Variants in DTNA observed in about 807,000 individuals in gnomAD.
The protein encoded by DTNA is dystrophin-related protein 3.
In DTNA, 43 loss-of-function variants were observed where a neutral mutation model predicts 100.7. The ratio of observed to expected loss-of-function variants is 0.43; its 90% CI spans 0.33 to 0.55. The LOEUF (loss-of-function observed/expected upper bound fraction) is 0.55. Among genes scored for constraint, DTNA ranks in the 20% least tolerant of loss-of-function variants. The pLI, the probability that DTNA is intolerant of heterozygous loss-of-function variation, is 0.04. For synonymous variants in DTNA, 349 were observed against 347.9 expected, an observed-to-expected ratio of 1.00 and a Z score of -0.04; for missense variants, 798 against 953.9, an observed-to-expected ratio of 0.84 and a Z score of 2.15.
intron 1 of DTNA, among the ~76,000 whole-genome samples, chr18:34,604,626 A>G (rs566467506): frequency 4.7e-4 from 72 of 152,302 alleles, no homozygotes; most frequent in Middle Eastern, 3.4e-3. Flanking sequence ...AGCACCTAGA[A>G]CATTTGGAAT....
intron 2 of DTNA, among the ~76,000 whole-genome samples, chr18:34,763,047 T>G (rs1354391934): frequency 6.6e-6 from 1 of 152,202 alleles, no homozygotes; most frequent in African/African-American, 2.4e-5. Context: ...TTGCAGAAAC[T>G]GAGAAACTTA....
intron 3 of DTNA, among the ~76,000 whole-genome samples, chr18:34,784,400 T>C (rs113230524): frequency 6.6e-6 from 1 of 152,214 alleles, no homozygotes; most frequent in East Asian, 1.9e-4. Flanking sequence ...AAAATCTAAA[T>C]GCACCATCAT....
intron 11 of DTNA, among the ~76,000 whole-genome samples, chr18:34,834,418 G>T (rs567554029): frequency 6.6e-6 from 1 of 151,850 alleles, no homozygotes; most frequent in African/African-American, 2.4e-5. Flanking sequence ...CAGAAGAATC[G>T]CTTGAACCCA....
At chr18:34,568,771 G>C (rs984869705) in intron 1 of DTNA, among the ~76,000 whole-genome samples, 2 of 151,946 alleles carry the variant, frequency 1.3e-5, no homozygotes, top group Non-Finnish European at 2.9e-5. Flanking sequence ...GTACAGGCAC[G>C]TACCACCATG....
At chr18:34,676,205 T>C (rs2145289947) in intron 1 of DTNA, among the ~76,000 whole-genome samples, 1 of 152,284 alleles carries the variant, frequency 6.6e-6, no homozygotes, top group South Asian at 2.1e-4. Flanking sequence ...GGTATGAAGG[T>C]CACTACCTTT....
intron 17 of DTNA, chr18:34,866,676 G>A: frequency 6.0e-6 from 6 of 998,584 alleles, no homozygotes; most frequent in Non-Finnish European, 7.2e-6. Flanking sequence ...TGTTCCCCAT[G>A]GCTCACCAAA....
chr18:34,759,247 G>A (rs1349319304), intron 2 of DTNA, among the ~76,000 whole-genome samples: 1 of 152,160 alleles, frequency 6.6e-6, no homozygotes, highest in Non-Finnish European at 1.5e-5. Flanking sequence ...AAGTTTAGCA[G>A]CTTAAATAAG....
At chr18:34,515,117 C>A (rs1472449639) in intron 1 of DTNA, among the ~76,000 whole-genome samples, 1 of 152,048 alleles carries the variant, frequency 6.6e-6, no homozygotes, top group Non-Finnish European at 1.5e-5. Flanking sequence ...AAACAGCTGG[C>A]TCAACTCATT....
chr18:34,863,849 C>G, intron 16 of DTNA, 117 bp from the exon 17 acceptor site: 1 of 961,322 alleles, frequency 1.0e-6, no homozygotes, highest in Non-Finnish European at 1.6e-6. Flanking sequence ...GCCTGGTAAC[C>G]TTGTCAGAGA....
chr18:34,826,175 GTT>G (rs1286966068), intron 9 of DTNA, among the ~76,000 whole-genome samples: 1 of 152,154 alleles, frequency 6.6e-6, no homozygotes, highest in Non-Finnish European at 1.5e-5. Flanking sequence ...TCAGAGTATA[GTT>G]TAGCACCAGC....
rs557026859 is a variant in DTNA, at chr18:34,725,400, G to GA, written c.-2+14967dup. ...ACAAAGAACTTAAACAAATTTACAAGAAAAAAAAAAAACAACCCCATCAAA... is the reference window on the plus strand; with the variant it reads ...ACAAAGAACTTAAACAAATTTACAAGAAAAAAAAAAAAACAACCCCATCAAA... On this transcript the variant is annotated intron_variant, in intron 1 of 22. Transcript: ENST00000444659. Among the ~76,000 whole-genome samples, 153 of 131,904 alleles carry GA rather than the reference G, an allele frequency of 1.2e-3. No individual in the cohort carries two copies. The Middle Eastern group carries it at 0.012, about 11-fold the overall frequency. 86.5% of individuals were successfully genotyped at this position (131,904 alleles called of 152,430 possible). A position where few individuals can be genotyped will look rare whatever the true frequency, so the allele number is the denominator to read the frequency against.
intron 1 of DTNA, among the ~76,000 whole-genome samples, chr18:34,561,822 A>C (rs1368843911): frequency 6.6e-6 from 1 of 152,196 alleles, no homozygotes; most frequent in Non-Finnish European, 1.5e-5. Context: ...ATTTATTGAC[A>C]GTTTTATTGA....
chr18:34,786,839 G>C (rs1283730737), intron 3 of DTNA, among the ~76,000 whole-genome samples: 1 of 152,090 alleles, frequency 6.6e-6, no homozygotes, highest in African/African-American at 2.4e-5. Context: ...ACAAATCACT[G>C]TTAAACTGCA....
At chr18:34,557,858 A>C (rs1277805027) in intron 1 of DTNA, 1 of 152,280 alleles carries the variant, frequency 6.6e-6, no homozygotes, top group Admixed American at 6.5e-5. Context: ...TGGAGCCTAC[A>C]GAGGCAGGCA....
chr18:34,509,904 T>C (rs963874514), intron 1 of DTNA, among the ~76,000 whole-genome samples: 4 of 152,090 alleles, frequency 2.6e-5, no homozygotes, highest in Non-Finnish European at 2.9e-5. Context: ...TGAATCCTTG[T>C]ATAGACAAGG....
intron 13 of DTNA, among the ~76,000 whole-genome samples, chr18:34,840,260 A>G (rs1022926753): frequency 7.2e-5 from 11 of 152,176 alleles, no homozygotes; most frequent in African/African-American, 2.4e-4. Context: ...GTGAGCTTCT[A>G]GATTAAATAG....
chr18:34,639,897 C>G (rs986229214), intron 1 of DTNA, among the ~76,000 whole-genome samples: 29 of 152,200 alleles, frequency 1.9e-4, no homozygotes, highest in Admixed American at 1.9e-3. Context: ...GAAGTTGCAA[C>G]ATCACCTTCT....
At chr18:34,626,319 A>G (rs1031881305) in intron 1 of DTNA, among the ~76,000 whole-genome samples, 1 of 152,174 alleles carries the variant, frequency 6.6e-6, no homozygotes, top group African/African-American at 2.4e-5. Flanking sequence ...AAAAACAGAG[A>G]TAATGGATTA....
At chr18:34,868,975 A>G (rs1200461753) in intron 17 of DTNA, among the ~76,000 whole-genome samples, 1 of 152,204 alleles carries the variant, frequency 6.6e-6, no homozygotes, top group Non-Finnish European at 1.5e-5. Flanking sequence ...TCCAAATATT[A>G]TGTACCAGTC....
Sources: allele counts gnomAD v4.1 joint callset (sites outside exome capture counted in the v4.1 genomes callset), GRCh38; gene constraint gnomAD v4.1.1; transcripts MANE v1.5; gene names NCBI Gene and HGNC (gene_info 2026-07-23, HGNC 2026-07-21).